ZFHX3: variants seen among roughly 807,000 people sequenced by gnomAD.
ZFHX3 encodes zinc finger homeobox 3.
A neutral mutation model predicts 279.1 loss-of-function variants in ZFHX3; 42 were observed. The ratio of observed to expected loss-of-function variants is 0.15; its 90% CI spans 0.12 to 0.19. The LOEUF (loss-of-function observed/expected upper bound fraction) is 0.19, where lower values mean the gene tolerates loss of function less well. Ranked by LOEUF, ZFHX3 falls within the 10% of genes least tolerant of loss-of-function variation. The pLI, the probability that ZFHX3 is intolerant of heterozygous loss-of-function variation, is 1.00. For synonymous variants in ZFHX3, 2,293 were observed against 1,957.8 expected, an observed-to-expected ratio of 1.17 and a Z score of -4.52; for missense variants, 4,981 against 4,754.0, an observed-to-expected ratio of 1.05 and a Z score of -1.40.
rs1965232330 is a variant in ZFHX3, at chr16:73,044,775, T to C, written c.-50+2977A>G. ...TAGCTGGAGTTACAGGAATGCACCATCACACTCGGCTAATTTTGTATTTTT... is the reference window on the plus strand; with the variant it reads ...TAGCTGGAGTTACAGGAATGCACCACCACACTCGGCTAATTTTGTATTTTT... On this transcript the variant is annotated intron_variant, in intron 1 of 9. Coordinates refer to ENST00000268489, the MANE Select transcript of ZFHX3 (RefSeq NM_006885.4). Among the ~76,000 whole-genome samples, 5 of 152,106 alleles carry C rather than the reference T, an allele frequency of 3.3e-5. No homozygotes were observed. In the South Asian group the frequency reaches 1.0e-3, roughly 32 times the overall value.
chr16:73,361,909 T>C (rs1455815347), intron 3 of ZFHX3, among the ~76,000 whole-genome samples: 1 of 152,230 alleles, frequency 6.6e-6, no homozygotes, highest in Middle Eastern at 3.4e-3. Flanking sequence ...AACACTGACA[T>C]GGTCTGAAAA....
chr16:72,864,048 C>A (rs1239498389), intron 4 of ZFHX3, among the ~76,000 whole-genome samples: 1 of 151,924 alleles, frequency 6.6e-6, no homozygotes, highest in East Asian at 1.9e-4. Flanking sequence ...ACCCGGGAGG[C>A]AGAGCTTGCA....
At chr16:73,180,551 T>G (rs1314594958) in intron 5 of ZFHX3, among the ~76,000 whole-genome samples, 1 of 152,148 alleles carries the variant, frequency 6.6e-6, no homozygotes, top group African/African-American at 2.4e-5. Flanking sequence ...TCTATGCCAA[T>G]CCACTGTGTT....
intron 3 of ZFHX3, among the ~76,000 whole-genome samples, chr16:72,898,720 A>G (rs1393952719): frequency 6.9e-6 from 1 of 145,604 alleles, no homozygotes; most frequent in Non-Finnish European, 1.5e-5. Flanking sequence ...TTTTACCATT[A>G]TGGGAGCAAA....
intron 1 of ZFHX3, among the ~76,000 whole-genome samples, chr16:73,824,471 T>C (rs1960841305): frequency 7.5e-6 from 1 of 134,058 alleles, no homozygotes; most frequent in Admixed American, 7.5e-5. Context: ...TACATATGTA[T>C]ACATGTGCCA....
At chr16:73,237,574 G>T (rs1464427467) in intron 5 of ZFHX3, among the ~76,000 whole-genome samples, 1 of 92,034 alleles carries the variant, frequency 1.1e-5, no homozygotes. Flanking sequence ...GTCTTGCTTT[G>T]TAGCTTGAGC....
intron 7 of ZFHX3, among the ~76,000 whole-genome samples, chr16:72,800,454 A>G (rs2036062015): frequency 6.6e-6 from 1 of 152,212 alleles, no homozygotes; most frequent in African/African-American, 2.4e-5. Context: ...GCAACCAATT[A>G]GGTAGATAAG....
intron 8 of ZFHX3, among the ~76,000 whole-genome samples, chr16:73,074,130 A>G (rs1965857097): frequency 6.6e-6 from 1 of 152,264 alleles, no homozygotes; most frequent in Non-Finnish European, 1.5e-5. Flanking sequence ...CAACCAACCC[A>G]GTAGGATTAT....
chr16:73,281,752 A>G (rs571191044), intron 4 of ZFHX3, among the ~76,000 whole-genome samples: 8 of 152,348 alleles, frequency 5.3e-5, no homozygotes, highest in African/African-American at 1.4e-4. Flanking sequence ...ATCAAAAGGT[A>G]TATATTAAAT....
intron 2 of ZFHX3, among the ~76,000 whole-genome samples, chr16:73,625,642 C>T (rs1261149419): frequency 6.6e-6 from 1 of 152,172 alleles, no homozygotes; most frequent in Non-Finnish European, 1.5e-5. Flanking sequence ...AGGCAAGCCT[C>T]ATTACTTAAA....
chr16:73,420,649 T>C (rs1215563059), intron 3 of ZFHX3: 1 of 152,210 alleles, frequency 6.6e-6, no homozygotes, highest in Non-Finnish European at 1.5e-5. Context: ...TTTTTTGTTT[T>C]ATTTCAGATT....
chr16:73,551,242 G>C (rs763061688), intron 2 of ZFHX3, among the ~76,000 whole-genome samples: 4 of 152,040 alleles, frequency 2.6e-5, no homozygotes, highest in Non-Finnish European at 5.9e-5. Context: ...GGGAAAATGC[G>C]AGGGGGTTTT....
At chr16:73,377,997 C>A (rs1357270299) in intron 3 of ZFHX3, among the ~76,000 whole-genome samples, 2 of 125,954 alleles carry the variant, frequency 1.6e-5, no homozygotes, top group East Asian at 2.5e-4. Context: ...TGCACCACTG[C>A]ACTCCAGCCT....
chr16:73,716,733 T>C lies in ZFHX3; in HGVS notation c.-1607-36493A>G, dbSNP rs867075255. Among the ~76,000 whole-genome samples, 43 of 152,122 alleles carry C rather than the reference T, an allele frequency of 2.8e-4. No homozygotes were observed. In the South Asian group the frequency reaches 5.6e-3, roughly 20 times the overall value. ...CGTGCAGGGCCTTCACACAGAGTGA[T>C]GGCTTCCCCTGTCTTCTGCATTTGT... On this transcript the variant is annotated intron_variant, in intron 1 of 17. Coordinates refer to the ZFHX3 transcript ENST00000641206.
intron 1 of ZFHX3, among the ~76,000 whole-genome samples, chr16:73,701,678 G>T (rs188796092): frequency 6.6e-6 from 1 of 152,070 alleles, no homozygotes; most frequent in South Asian, 2.1e-4. Context: ...AAACGCCTTT[G>T]CCTTCTAATG....
intron 4 of ZFHX3, among the ~76,000 whole-genome samples, chr16:72,860,172 G>A (rs2037849490): frequency 1.3e-5 from 2 of 152,046 alleles, no homozygotes; most frequent in South Asian, 2.1e-4. Context: ...TAGAAAAACG[G>A]CTTTCTGTTT....
At chr16:73,410,501 G>T (rs999703620) in intron 3 of ZFHX3, among the ~76,000 whole-genome samples, 1 of 152,234 alleles carries the variant, frequency 6.6e-6, no homozygotes, top group Non-Finnish European at 1.5e-5. Context: ...TGCATGAGGT[G>T]ATGGGTACCC....
chr16:72,903,506 T>C (rs908102752), intron 3 of ZFHX3, among the ~76,000 whole-genome samples: 4 of 152,184 alleles, frequency 2.6e-5, no homozygotes, highest in African/African-American at 9.7e-5. Context: ...TGGACCTTTC[T>C]GGATCGGAAA....
chr16:73,446,463 C>G (rs2018186828), intron 3 of ZFHX3, among the ~76,000 whole-genome samples: 5 of 152,160 alleles, frequency 3.3e-5, no homozygotes, highest in Admixed American at 3.3e-4. Context: ...AACCCACTGA[C>G]TATGGTGAGA....
Sources: allele counts gnomAD v4.1 joint callset (sites outside exome capture counted in the v4.1 genomes callset), GRCh38; gene constraint gnomAD v4.1.1; transcripts MANE v1.5; gene names NCBI Gene and HGNC (gene_info 2026-07-23, HGNC 2026-07-21).